CPD: variants seen among roughly 807,000 people sequenced by gnomAD.
The protein encoded by CPD is carboxypeptidase D, also known as metallocarboxypeptidase D.
A neutral mutation model predicts 138.3 loss-of-function variants in CPD; 69 were observed. The ratio of observed to expected loss-of-function variants is 0.50; its 90% confidence interval spans 0.41 to 0.61. The LOEUF is 0.61. Among genes scored for constraint, CPD ranks in the 20% least tolerant of loss-of-function variants. The probability of loss-of-function intolerance (pLI) is 0.00; values close to 1 mark genes in which losing one functional copy is unlikely to be tolerated. For synonymous variants in CPD, 651 were observed against 642.1 expected (o/e 1.01, Z -0.21); for missense variants, 1,432 against 1,733.3 (o/e 0.83, Z 3.09).
chr17:30,428,840 TG>T (rs1912488930), intron 7 of CPD, among the ~76,000 whole-genome samples: 1 of 150,884 alleles, frequency 6.6e-6, no homozygotes, highest in Non-Finnish European at 1.5e-5. Context: ...CAACTTTAAA[TG>T]GGTGAATTGC....
At chr17:30,427,903 C>T (rs527911222) in intron 7 of CPD, among the ~76,000 whole-genome samples, 2 of 151,440 alleles carry the variant, frequency 1.3e-5, no homozygotes, top group East Asian at 3.9e-4. Context: ...CTCCTCTCCT[C>T]TCCTTCTCCC....
At chr17:30,396,572 A>G (rs575491033) in intron 2 of CPD, among the ~76,000 whole-genome samples, 2 of 152,312 alleles carry the variant, frequency 1.3e-5, no homozygotes, top group Middle Eastern at 6.8e-3. Context: ...CTTGTTTCCT[A>G]ATCAAGACGG....
intron 8 of CPD, among the ~76,000 whole-genome samples, chr17:30,437,647 A>G (rs184481673): frequency 6.6e-6 from 1 of 152,262 alleles, no homozygotes; most frequent in Non-Finnish European, 1.5e-5. Flanking sequence ...TGTTTCCACT[A>G]CTGCACTCTG....
chr17:30,407,862 T>C (rs1351808105), intron 2 of CPD, among the ~76,000 whole-genome samples: 1 of 152,224 alleles, frequency 6.6e-6, no homozygotes, highest in Non-Finnish European at 1.5e-5. Context: ...TGCCATTGCT[T>C]TTGGTGTTTT....
intron 2 of CPD, among the ~76,000 whole-genome samples, chr17:30,412,722 A>C (rs1407640165): frequency 6.6e-6 from 1 of 152,172 alleles, no homozygotes; most frequent in African/African-American, 2.4e-5. Context: ...GCTGGTTGCT[A>C]AGACCATGGG....
chr17:30,425,456 A>G (rs1258057893), intron 6 of CPD, among the ~76,000 whole-genome samples: 1 of 152,118 alleles, frequency 6.6e-6, no homozygotes, highest in Non-Finnish European at 1.5e-5. Context: ...GGAGTTCAAG[A>G]GCAGCCTGGC....
Position 30,423,645 on chromosome 17 carries a change from A to T in CPD, c.1797A>T (p.Arg599Ser). 1.2e-6 allele frequency: 2 copies of T among 1,610,458 alleles called. No individual in the cohort carries two copies. Among genetic ancestry groups the T allele is most frequent in the Non-Finnish European group, 1.7e-6 (2 of 1,178,608 alleles). The change falls in exon 6 of 21, where the codon AGA becomes AGT. Residue 599 changes from arginine (R) to serine (S), a missense_variant. This residue lies in a region of CPD where 297 missense variants were observed against 405.3 expected (regional missense o/e 0.73). Transcript: ENST00000225719. ...TCACAGATTTGGTTCATAACACTAG[A>T]ATTCACCTTATGCCATCCATGAATC... ...PEVTDLVHNT[R>S]IHLMPSMNPD...
At chr17:30,387,167 G>C (rs1209890856) in intron 2 of CPD, among the ~76,000 whole-genome samples, 1 of 152,168 alleles carries the variant, frequency 6.6e-6, no homozygotes, top group East Asian at 1.9e-4. Flanking sequence ...GCCCAGGCTG[G>C]AGTATAGTGG....
intron 1 of CPD, among the ~76,000 whole-genome samples, chr17:30,381,452 C>T (rs1031331189): frequency 1.3e-5 from 2 of 152,122 alleles, no homozygotes; most frequent in Admixed American, 6.6e-5. Flanking sequence ...TATACAGAGT[C>T]ATTTTGGTCT....
intron 2 of CPD, among the ~76,000 whole-genome samples, chr17:30,406,413 G>A (rs1428905639): frequency 2.0e-5 from 3 of 152,104 alleles, no homozygotes; most frequent in Non-Finnish European, 4.4e-5. Flanking sequence ...TTGGAATTAA[G>A]TCTTATTTTA....
intron 8 of CPD, among the ~76,000 whole-genome samples, chr17:30,435,311 G>A (rs1912670539): frequency 6.6e-6 from 1 of 151,466 alleles, no homozygotes; most frequent in Non-Finnish European, 1.5e-5. Context: ...CAGACATATA[G>A]ATCAATGAAA....
intron 8 of CPD, among the ~76,000 whole-genome samples, chr17:30,437,536 T>C (rs1912734362): frequency 6.6e-6 from 1 of 151,798 alleles, no homozygotes; most frequent in Admixed American, 6.6e-5. Flanking sequence ...AATACAAAAA[T>C]TAGCCAGGTG....
At position 30,379,006 on chromosome 17, in the gene CPD, C is replaced by T. The variant is rs772650639; in HGVS notation, c.26C>T (p.Pro9Leu). 5 of 1,547,380 alleles carry T rather than the reference C, an allele frequency of 3.2e-6. No individual in the cohort carries two copies. Among genetic ancestry groups the T allele is most frequent in the East Asian group, 5.2e-5 (2 of 38,570 alleles). Residue 9 changes from proline (P) to leucine (L), a missense_variant, in exon 1 of 21, where the codon CCG becomes CTG. By Grantham distance (98) the Pro-to-Leu change is moderately conservative (BLOSUM62 -3). This residue lies in a region of CPD where 484 missense variants were observed against 477.2 expected (regional missense o/e 1.01). Coordinates refer to ENST00000225719, the MANE Select transcript of CPD (RefSeq NM_001304.5). The surrounding 1 kb of genome is among the most constrained non-coding windows in gnomAD (Gnocchi z 7.0). MASGRDER[P>L]PWRLGRLLLL... The stretch of plus-strand genomic sequence containing the variant: ...ATGGCGAGCGGCCGGGACGAGCGGC[C>T]GCCTTGGCGGCTAGGGCGGCTCCTG...
chr17:30,393,153 A>G (rs28405767), intron 2 of CPD, among the ~76,000 whole-genome samples: 12,421 of 152,250 alleles, frequency 0.082, 629 homozygotes, highest in African/African-American at 0.14. Context: ...AATGTAACCA[A>G]TTCAGTTTTT....
chr17:30,428,990 A>G (rs1185587840), intron 7 of CPD, among the ~76,000 whole-genome samples: 2 of 152,160 alleles, frequency 1.3e-5, no homozygotes, highest in African/African-American at 2.4e-5. Flanking sequence ...TTCATGTCAT[A>G]TAGAGTAGCC....
intron 2 of CPD, among the ~76,000 whole-genome samples, chr17:30,415,777 A>G (rs1272427933): frequency 6.6e-6 from 1 of 152,232 alleles, no homozygotes; most frequent in Non-Finnish European, 1.5e-5. Context: ...AAAAGTTTGT[A>G]TATACAAAAA....
chr17:30,458,247 A>G (rs1047680080), intron 17 of CPD, among the ~76,000 whole-genome samples: 1 of 152,188 alleles, frequency 6.6e-6, no homozygotes, highest in African/African-American at 2.4e-5. Context: ...TATTCTAGAT[A>G]GGAAATTCTT....
chr17:30,453,296 C>A (rs981080139), intron 14 of CPD, among the ~76,000 whole-genome samples: 7 of 152,210 alleles, frequency 4.6e-5, no homozygotes, highest in African/African-American at 1.7e-4. Flanking sequence ...GGGGTACAGG[C>A]ATTGAGTAAA....
chr17:30,401,872 G>T (rs1388811262), intron 2 of CPD, among the ~76,000 whole-genome samples: 2 of 150,950 alleles, frequency 1.3e-5, no homozygotes, highest in East Asian at 3.9e-4. Flanking sequence ...TTTGAGATTT[G>T]CTGAGCTTCT....
Sources: allele counts gnomAD v4.1 joint callset (sites outside exome capture counted in the v4.1 genomes callset), GRCh38; gene constraint gnomAD v4.1.1; regional missense constraint gnomAD v4.1.1; non-coding constraint Gnocchi (gnomAD v3.1); transcripts MANE v1.5; gene names NCBI Gene and HGNC (gene_info 2026-07-23, HGNC 2026-07-21).